The following BRWD1 variants were observed in gnomAD, a reference collection of about 807,000 sequenced individuals.
The protein encoded by BRWD1 is bromodomain and WD repeat domain containing 1.
BRWD1 carries 82 observed loss-of-function variants against 251.2 expected under a neutral mutation model. The ratio of observed to expected loss-of-function variants is 0.33; its 90% CI spans 0.27 to 0.39. The LOEUF is 0.39. BRWD1 is among the 10% of genes least tolerant of loss of function. The pLI, the probability that BRWD1 is intolerant of heterozygous loss-of-function variation, is 1.00. For synonymous variants in BRWD1, 918 were observed against 902.8 expected, an observed-to-expected ratio of 1.02 and a Z score of -0.30; for missense variants, 2,233 against 2,711.6, an observed-to-expected ratio of 0.82 and a Z score of 3.92.
At chr21:39,298,913 C>G (rs116667048) in intron 4 of BRWD1, among the ~76,000 whole-genome samples, 1,902 of 152,204 alleles carry the variant, frequency 0.012, 44 homozygotes, top group African/African-American at 0.044. Context: ...GACTTGAAAT[C>G]AAGACTTTAC....
chr21:39,246,446 T>C (rs923736131), intron 21 of BRWD1, among the ~76,000 whole-genome samples: 1 of 152,220 alleles, frequency 6.6e-6, no homozygotes, highest in Admixed American at 6.5e-5. Flanking sequence ...TGAAGGAGTC[T>C]GGAGGGTCCT....
chr21:39,207,735 G>A (rs889455626), intron 36 of BRWD1, among the ~76,000 whole-genome samples: 1 of 152,168 alleles, frequency 6.6e-6, no homozygotes, highest in Non-Finnish European at 1.5e-5. Context: ...TAATGGTCAA[G>A]AAATAGAAAC....
chr21:39,241,985 C>T (rs78138745), intron 21 of BRWD1, among the ~76,000 whole-genome samples: 2,313 of 152,264 alleles, frequency 0.015, 55 homozygotes, highest in African/African-American at 0.053. Flanking sequence ...CTGACTGCTC[C>T]AGTCTATTCC....
intron 4 of BRWD1, among the ~76,000 whole-genome samples, chr21:39,299,045 G>A (rs1254602091): frequency 6.6e-6 from 1 of 152,034 alleles, no homozygotes; most frequent in South Asian, 2.1e-4. Context: ...CCAACATGGT[G>A]AAACCCCATC....
intron 5 of BRWD1, chr21:39,297,371 A>G (rs1601488046): frequency 1.0e-6 from 1 of 985,460 alleles, no homozygotes; most frequent in Non-Finnish European, 1.2e-6. Context: ...CAAAACAAAC[A>G]GAGAATACGC....
Position 39,186,290 on chromosome 21 carries a change from CTTTCATAGA to C in BRWD1, c.*9960_*9968del, listed in dbSNP as rs1160006186. ...AAAGCCGTGATAGTAACATTCATAG[CTTTCATAGA>C]AAAATATATATTCCCTGAATTAGTC... On this transcript the variant is annotated 3_prime_UTR_variant, in exon 41 of 41. Coordinates refer to ENST00000342449, the MANE Select transcript of BRWD1 (RefSeq NM_033656.4). The C allele has an allele frequency of 6.6e-6, 1 of 152,170 alleles. No homozygotes were observed. Among genetic ancestry groups the C allele is most frequent in the Non-Finnish European group, 1.5e-5 (1 of 68,020 alleles). The allele number at this position is 152,170 out of a possible 1,614,324, so 9.4% of individuals were successfully genotyped here.
chr21:39,275,083 A>T (rs1051971599), intron 12 of BRWD1, among the ~76,000 whole-genome samples: 1 of 152,194 alleles, frequency 6.6e-6, no homozygotes, highest in African/African-American at 2.4e-5. Flanking sequence ...AGAAGAAAAA[A>T]AAAACAGAAA....
intron 17 of BRWD1, among the ~76,000 whole-genome samples, chr21:39,260,833 ATG>A (rs1214104034): frequency 6.6e-6 from 1 of 152,200 alleles, no homozygotes; most frequent in Non-Finnish European, 1.5e-5. Context: ...TGGAAGAAGA[ATG>A]TTAAAATACG....
At chr21:39,313,679 G>A (rs1337284550), upstream of BRWD1, 6 of 389,584 alleles carry the variant, frequency 1.5e-5, no homozygotes, top group African/African-American at 2.2e-5. Flanking sequence ...CGCGGGAGAC[G>A]AAAAGTAGTC....
At chr21:39,314,360 G>C, upstream of BRWD1, 1 of 455,656 alleles carries the variant, frequency 2.2e-6, no homozygotes, top group Non-Finnish European at 4.4e-6. Context: ...GAGGGGGTGC[G>C]AGTCGGGGGA....
chr21:39,300,618 A>G (rs1320152349), intron 4 of BRWD1, among the ~76,000 whole-genome samples: 1 of 152,192 alleles, frequency 6.6e-6, no homozygotes, highest in Non-Finnish European at 1.5e-5. Context: ...AGAAAAGAGC[A>G]CATCTTTACC....
chr21:39,302,379 T>C (rs2036147774), intron 4 of BRWD1, among the ~76,000 whole-genome samples: 1 of 152,174 alleles, frequency 6.6e-6, no homozygotes, highest in Non-Finnish European at 1.5e-5. Context: ...AAATTTAAAA[T>C]ACCAGAAAAG....
At chr21:39,243,413 T>A (rs531638294) in intron 21 of BRWD1, among the ~76,000 whole-genome samples, 159 of 152,274 alleles carry the variant, frequency 1.0e-3, no homozygotes, top group African/African-American at 3.5e-3. Context: ...GATCTGCAGA[T>A]CTGATAATGA....
chr21:39,288,708 T>C (rs368139672), intron 8 of BRWD1, among the ~76,000 whole-genome samples: 3 of 152,154 alleles, frequency 2.0e-5, no homozygotes, highest in Non-Finnish European at 4.4e-5. Context: ...ATTCTTATAA[T>C]AAAGCTAGAG....
chr21:39,248,975 A>G (rs913186223), intron 20 of BRWD1, among the ~76,000 whole-genome samples: 3 of 152,172 alleles, frequency 2.0e-5, no homozygotes, highest in Admixed American at 6.5e-5. Context: ...ATGCCCATCA[A>G]TGGTAGACTG....
Position 39,190,287 on chromosome 21 carries a change from C to T in BRWD1, c.*5972G>A. The T allele has an allele frequency of 1.0e-6, 1 of 984,560 alleles. No individual in the cohort carries two copies. Among genetic ancestry groups the T allele is most frequent in the Non-Finnish European group, 1.2e-6 (1 of 829,326 alleles). 61.0% of individuals were successfully genotyped at this position (984,560 alleles called of 1,614,324 possible). ...AGATTCTGCACAATATTTCATCATA[C>T]AAAACTGTTTTCCTAAATTCAAAGT... On this transcript the variant is annotated 3_prime_UTR_variant, in exon 41 of 41. Transcript: ENST00000342449.
intron 28 of BRWD1, among the ~76,000 whole-genome samples, 200 bp from the exon 29 acceptor site, chr21:39,224,669 C>T (rs2033310716): frequency 6.6e-6 from 1 of 152,110 alleles, no homozygotes; most frequent in African/African-American, 2.4e-5. Flanking sequence ...CCTATGTGGC[C>T]TGCACCCAAA....
At chr21:39,226,635 A>T (rs532238359) in intron 27 of BRWD1, among the ~76,000 whole-genome samples, 82 of 152,260 alleles carry the variant, frequency 5.4e-4, no homozygotes, top group Non-Finnish European at 8.8e-4. Context: ...GCTTCATGTT[A>T]TTTTTGTGGC....
chr21:39,280,337 G>T, intron 8 of BRWD1, 89 bp from the exon 9 acceptor site: 2 of 1,008,710 alleles, frequency 2.0e-6, no homozygotes, highest in Non-Finnish European at 1.5e-6. Flanking sequence ...TCAATTGACA[G>T]TTTCAGGAAA....
Sources: gnomAD v4.1 joint callset for allele counts (sites outside exome capture counted in the v4.1 genomes callset) on GRCh38, gnomAD v4.1.1 for gene constraint, MANE v1.5 for transcripts, NCBI Gene and HGNC (gene_info 2026-07-23, HGNC 2026-07-21) for gene names.